The following ALPK2 variants were observed in gnomAD, a reference collection of about 807,000 sequenced individuals.
ALPK2 encodes alpha-protein kinase 2.
Under a neutral mutation model 163.1 loss-of-function variants are expected in ALPK2, and 127 were observed. That is an observed-to-expected ratio of 0.78 (90% CI 0.67 to 0.90). ALPK2 has a LOEUF of 0.90. Among genes scored for constraint, ALPK2 ranks in the 40% least tolerant of loss-of-function variants. ALPK2 has a pLI of 0.00. For missense variants in ALPK2, 2,360 were observed against 2,589.6 expected, an observed-to-expected ratio of 0.91 and a Z score of 1.92; for synonymous variants, 953 against 959.1, an observed-to-expected ratio of 0.99 and a Z score of 0.12.
At position 58,547,961 on chromosome 18, in the gene ALPK2, T is replaced by C. The variant is rs562220964; in HGVS notation, c.1963-9737A>G. Among the ~76,000 whole-genome samples, 4 of 152,280 alleles carry C rather than the reference T, an allele frequency of 2.6e-5. No homozygotes were observed. In the South Asian group the frequency reaches 8.3e-4, roughly 32 times the overall value. On this transcript the variant is annotated intron_variant, in intron 4 of 12. Transcript: ENST00000361673. ...TTCAAATCAATATCTCTCTTTATAG[T>C]TTTTAGAATTTGTGAGTAAAAGCAA...
intron 11 of ALPK2, among the ~76,000 whole-genome samples, chr18:58,499,547 A>G (rs1200719556): frequency 6.6e-6 from 1 of 152,122 alleles, no homozygotes. Flanking sequence ...CCACGCACCA[A>G]TTCCATTCCT....
intron 4 of ALPK2, among the ~76,000 whole-genome samples, chr18:58,567,224 TA>T (rs34026272): frequency 0.34 from 48,884 of 144,646 alleles, 8,099 homozygotes; most frequent in East Asian, 0.42. Context: ...TGTCTCTACT[TA>T]AAAAAAAAAA....
At chr18:58,556,047 C>G (rs1256886784) in intron 4 of ALPK2, among the ~76,000 whole-genome samples, 1 of 152,182 alleles carries the variant, frequency 6.6e-6, no homozygotes, top group Admixed American at 6.5e-5. Flanking sequence ...GTCTCAAACT[C>G]CTGACCTCAA....
At chr18:58,505,951 C>T (rs12953462) in intron 10 of ALPK2, among the ~76,000 whole-genome samples, 81,742 of 151,416 alleles carry the variant, frequency 0.54, 22,957 homozygotes, top group Non-Finnish European at 0.63. Flanking sequence ...TCTGTCTCTT[C>T]TGTGAGTTCC....
intron 12 of ALPK2, among the ~76,000 whole-genome samples, chr18:58,494,474 A>G (rs2051391486): frequency 6.6e-6 from 1 of 152,230 alleles, no homozygotes; most frequent in Non-Finnish European, 1.5e-5. Context: ...AAATAGGATC[A>G]TAGCCTTTGA....
intron 3 of ALPK2, among the ~76,000 whole-genome samples, chr18:58,596,051 T>A (rs1463867592): frequency 6.6e-6 from 1 of 152,212 alleles, no homozygotes; most frequent in Non-Finnish European, 1.5e-5. Context: ...CTGAGTTCCC[T>A]ACTCAATGAC....
At chr18:58,582,670 G>C (rs2051964947) in intron 3 of ALPK2, among the ~76,000 whole-genome samples, 1 of 152,114 alleles carries the variant, frequency 6.6e-6, no homozygotes, top group Non-Finnish European at 1.5e-5. Context: ...ACAAGTGCCC[G>C]AGGTAGTCAG....
At position 58,579,843 on chromosome 18, in the gene ALPK2, G is replaced by T; in HGVS notation, c.933C>A (p.Cys311Ter). The T allele has an allele frequency of 6.2e-7, 1 of 1,614,166 alleles. No individual in the cohort carries two copies. The highest frequency in any genetic ancestry group is 8.5e-7 in the Non-Finnish European group (1 of 1,180,044). ...SEDSDSDYEL[C>*]PEITLTYTEE... ...CGGTGTAGGTTAGGGTTATCTCTGG[G>T]CAAAGTTCATAGTCACTGTCAGAGT... Residue 311 changes from cysteine (C) to a stop codon, truncating the protein, a stop_gained, in exon 4 of 13, where the codon TGC becomes TGA. Coordinates refer to ENST00000361673, the MANE Select transcript of ALPK2 (RefSeq NM_052947.4). LOFTEE classifies it high-confidence loss of function.
intron 3 of ALPK2, among the ~76,000 whole-genome samples, chr18:58,607,067 G>A (rs994181592): frequency 6.6e-6 from 1 of 152,168 alleles, no homozygotes; most frequent in Non-Finnish European, 1.5e-5. Flanking sequence ...GGCAATGGCT[G>A]GATCACCTTG....
rs937945384 is a variant in ALPK2 at position 58,628,958 on chromosome 18, AAG to A, written c.-217_-216del. On this transcript the variant is annotated 5_prime_UTR_variant, in exon 1 of 13. An upstream open reading frame in the 5' UTR gains an earlier in-frame stop. Coordinates refer to ENST00000361673, the MANE Select transcript of ALPK2 (RefSeq NM_052947.4). ...GCTTCCAGAAAGTTCATCTCTTCCTAAGAGGGGAAATTCCATGCCCGGGGAAG... is the reference window on the plus strand; with the variant it reads ...GCTTCCAGAAAGTTCATCTCTTCCTAAGGGGAAATTCCATGCCCGGGGAAG... 7.9e-5 allele frequency: 12 copies of A among 152,356 alleles called. No individual in the cohort carries two copies. Among genetic ancestry groups the A allele is most frequent in the Admixed American group, 2.0e-4 (3 of 15,306 alleles). The allele number at this position is 152,356 out of a possible 1,614,324, so 9.4% of individuals were successfully genotyped here. A position where few individuals can be genotyped will look rare whatever the true frequency, so the allele number is the denominator to read the frequency against.
chr18:58,509,035 TCCCCCCA>T (rs2051475947), intron 10 of ALPK2, among the ~76,000 whole-genome samples: 1 of 44,628 alleles, frequency 2.2e-5, no homozygotes, highest in African/African-American at 9.4e-5. Flanking sequence ...CCCTCCCCCC[TCCCCCCA>T]CCCCACAACA....
intron 1 of ALPK2, among the ~76,000 whole-genome samples, chr18:58,617,770 A>G (rs1242012843): frequency 6.6e-6 from 1 of 152,144 alleles, no homozygotes; most frequent in Non-Finnish European, 1.5e-5. Context: ...CAGTTGGCTT[A>G]TTTTGCTTAA....
rs138300448 is a variant in ALPK2 at position 58,579,920 on chromosome 18, C to T, written c.856G>A (p.Gly286Ser). The change falls in exon 4 of 13, where the codon GGT becomes AGT. Residue 286 changes from glycine (G) to serine (S), a missense_variant. Physicochemically the swap from Gly to Ser is moderately conservative, Grantham distance 56. Transcript: ENST00000361673. ...TGTTTGTTGGCCACGGCACTGTCAC[C>T]TGGGTAAATGTGTGCAGTTGCCTCA... ...LSEATAHIYP[G>S]DSAVANKQPS... is the part of the protein sequence containing the mutation. 1 of 1,614,170 alleles carries T rather than the reference C, an allele frequency of 6.2e-7. No individual in the cohort carries two copies. The highest frequency in any genetic ancestry group is 8.5e-7 in the Non-Finnish European group (1 of 1,180,032).
intron 5 of ALPK2, among the ~76,000 whole-genome samples, chr18:58,531,375 C>T (rs984785567): frequency 4.6e-5 from 7 of 151,814 alleles, no homozygotes; most frequent in South Asian, 4.2e-4. Flanking sequence ...AGGGCACAGT[C>T]GAGATGTCAG....
Position 58,548,050 on chromosome 18 carries a change from G to A in ALPK2, c.1963-9826C>T, listed in dbSNP as rs547480649. Among the ~76,000 whole-genome samples, 3 of 152,282 alleles carry A rather than the reference G, an allele frequency of 2.0e-5. No homozygotes were observed. The South Asian group carries it at 6.2e-4, about 32-fold the overall frequency. ...AATACATTACATAAAGCAAGTTCTT[G>A]TAAACTTTAGAAGCAGGAAATACTT... On this transcript the variant is annotated intron_variant, in intron 4 of 12. Coordinates refer to ENST00000361673, the MANE Select transcript of ALPK2 (RefSeq NM_052947.4).
intron 12 of ALPK2, among the ~76,000 whole-genome samples, chr18:58,487,773 G>C (rs1335958878): frequency 6.6e-6 from 1 of 152,094 alleles, no homozygotes; most frequent in African/African-American, 2.4e-5. Context: ...TGTAATCCCA[G>C]CACTTTGGGA....
intron 12 of ALPK2, among the ~76,000 whole-genome samples, chr18:58,491,792 G>A (rs1015919989): frequency 2.0e-4 from 31 of 152,364 alleles, no homozygotes; most frequent in African/African-American, 7.2e-4. Context: ...AGGCATACAG[G>A]CAAGGAGAAC....
intron 4 of ALPK2, among the ~76,000 whole-genome samples, chr18:58,554,340 C>G (rs1455100066): frequency 6.6e-6 from 1 of 152,196 alleles, no homozygotes; most frequent in African/African-American, 2.4e-5. Flanking sequence ...ATCTGCCACT[C>G]TTGTCTCTCT....
rs757741609 is a variant in ALPK2, at chr18:58,517,006, G to A, written c.5842C>T (p.Pro1948Ser). The change falls in exon 9 of 13, where the codon CCT becomes TCT. Residue 1948 changes from proline (P) to serine (S), a missense_variant. Coordinates refer to ENST00000361673, the MANE Select transcript of ALPK2 (RefSeq NM_052947.4). ...ACCTTAAGCACACAGGCATGGCCAG[G>A]TTTGAAGACAGGCATGAGGCCGTGC... ...VMHGLMPVFKPGHACVLKVHN... is the reference protein window; with the variant it reads ...VMHGLMPVFKSGHACVLKVHN... 3.1e-6 allele frequency: 5 copies of A among 1,614,214 alleles called. No individual in the cohort carries two copies. The highest frequency in any genetic ancestry group is 1.1e-5 in the South Asian group (1 of 91,080).
Sources: gnomAD v4.1 joint callset for allele counts (sites outside exome capture counted in the v4.1 genomes callset) on GRCh38, gnomAD v4.1.1 for gene constraint, MANE v1.5 for transcripts, NCBI Gene and HGNC (gene_info 2026-07-23, HGNC 2026-07-21) for gene names.